Variants in PPP2R3A observed in about 807,000 individuals in gnomAD.
PPP2R3A encodes the protein protein phosphatase 2 regulatory subunit B''alpha.
Under a neutral mutation model 106.9 loss-of-function variants are expected in PPP2R3A, and 80 were observed. The observed-to-expected ratio is 0.75, with a 90% confidence interval of 0.62 to 0.90. The LOEUF (loss-of-function observed/expected upper bound fraction) is 0.90. Ranked by LOEUF, PPP2R3A falls within the 40% of genes least tolerant of loss-of-function variation. The probability of loss-of-function intolerance (pLI) is 0.00; values close to 1 mark genes in which losing one functional copy is unlikely to be tolerated. For missense variants in PPP2R3A, 1,386 were observed against 1,350.4 expected (o/e 1.03, Z -0.41); for synonymous variants, 483 against 468.3 (o/e 1.03, Z -0.41).
At chr3:136,005,719 C>T (rs1933818932) in intron 2 of PPP2R3A, among the ~76,000 whole-genome samples, 1 of 152,020 alleles carries the variant, frequency 6.6e-6, no homozygotes. Context: ...ACCTACATAG[C>T]AACTTCAAAA....
chr3:135,966,166 C>T (rs969427290), intron 1 of PPP2R3A, among the ~76,000 whole-genome samples: 25 of 152,264 alleles, frequency 1.6e-4, no homozygotes, highest in African/African-American at 3.6e-4. Context: ...GGCCTGGGCC[C>T]TCCCACTTTT....
At chr3:136,046,020 CA>C (rs1024825632) in intron 4 of PPP2R3A, among the ~76,000 whole-genome samples, 30 of 151,722 alleles carry the variant, frequency 2.0e-4, no homozygotes, top group Non-Finnish European at 3.8e-4. Context: ...TCTGTCTCTA[CA>C]AAAAAATTAG....
intron 5 of PPP2R3A, among the ~76,000 whole-genome samples, chr3:136,050,347 G>T (rs1935642075): frequency 6.6e-6 from 1 of 152,180 alleles, no homozygotes; most frequent in Non-Finnish European, 1.5e-5. Context: ...TTCTGGATTT[G>T]AATTTCTAAC....
intron 2 of PPP2R3A, among the ~76,000 whole-genome samples, chr3:136,009,030 A>G (rs1479042974): frequency 6.6e-6 from 1 of 151,560 alleles, no homozygotes; most frequent in Non-Finnish European, 1.5e-5. Context: ...TCCACTTCCA[A>G]CCCTCCCAAC....
chr3:136,074,203 A>C (rs991692727), intron 6 of PPP2R3A, among the ~76,000 whole-genome samples: 11 of 152,220 alleles, frequency 7.2e-5, no homozygotes, highest in African/African-American at 2.7e-4. Context: ...TGTGAGGTAC[A>C]TATATGATGA....
intron 13 of PPP2R3A, among the ~76,000 whole-genome samples, chr3:136,115,857 C>G (rs1249690078): frequency 6.6e-6 from 1 of 152,012 alleles, no homozygotes; most frequent in African/African-American, 2.4e-5. Flanking sequence ...CCAAACCTAG[C>G]AAGACAGGCC....
At chr3:136,012,248 C>G (rs1934110968) in intron 2 of PPP2R3A, among the ~76,000 whole-genome samples, 1 of 152,132 alleles carries the variant, frequency 6.6e-6, no homozygotes, top group Non-Finnish European at 1.5e-5. Flanking sequence ...ACTCTAGACA[C>G]TAGAAATTCT....
intron 8 of PPP2R3A, among the ~76,000 whole-genome samples, chr3:136,087,245 GTCTCTCTCTC>G (rs34566151): frequency 0.036 from 2,697 of 75,102 alleles, 51 homozygotes; most frequent in Admixed American, 0.066. Flanking sequence ...CTCTAGTCGT[GTCTCTCTCTC>G]TCTCTCTCTC....
At chr3:136,038,549 C>G (rs1935158795) in intron 3 of PPP2R3A, among the ~76,000 whole-genome samples, 1 of 152,166 alleles carries the variant, frequency 6.6e-6, no homozygotes, top group African/African-American at 2.4e-5. Flanking sequence ...CTGATCCCTT[C>G]CAGTTCTGAA....
chr3:136,090,562 C>A lies in PPP2R3A; in HGVS notation c.2838-16C>A. ...GTAATTGCTCAGGAAATTTTATAAC[C>A]ATGTGTTTTCTTTAGGGGAAAAACA... On this transcript the variant is annotated splice_polypyrimidine_tract_variant and intron_variant, in intron 9 of 13. Transcript: ENST00000264977. 1 of 1,598,136 alleles carries A rather than the reference C, an allele frequency of 6.3e-7. No homozygotes were observed. Among genetic ancestry groups the A allele is most frequent in the South Asian group, 1.1e-5 (1 of 90,612 alleles).
At chr3:136,141,356 G>C (rs1938865117) in intron 13 of PPP2R3A, among the ~76,000 whole-genome samples, 1 of 152,166 alleles carries the variant, frequency 6.6e-6, no homozygotes, top group African/African-American at 2.4e-5. Context: ...TTAAAGCCTA[G>C]TATGGCCAGA....
chr3:136,002,391 A>T lies in PPP2R3A; in HGVS notation c.893A>T (p.Gln298Leu). 1 of 1,614,048 alleles carries T rather than the reference A, an allele frequency of 6.2e-7. No individual in the cohort carries two copies. Among genetic ancestry groups the T allele is most frequent in the Non-Finnish European group, 8.5e-7 (1 of 1,179,964 alleles). ...AAAAAGTTACCATTTGAATTCATGC[A>T]GTCTGGGAATAATGAGGCTCTAGAT... The part of the protein sequence containing the change: ...YLKKLPFEFM[Q>L]SGNNEALDLT... Residue 298 changes from glutamine to leucine, a missense_variant, in exon 2 of 14, where the codon CAG (glutamine) becomes CTG (leucine). Coordinates refer to ENST00000264977, the MANE Select transcript of PPP2R3A (RefSeq NM_002718.5).
intron 8 of PPP2R3A, among the ~76,000 whole-genome samples, chr3:136,085,545 G>A (rs1375441810): frequency 6.6e-6 from 1 of 151,968 alleles, no homozygotes; most frequent in African/African-American, 2.4e-5. Context: ...CTGCCAAAGT[G>A]CTAGGATTAC....
intron 10 of PPP2R3A, among the ~76,000 whole-genome samples, chr3:136,098,980 A>G (rs1046683866): frequency 2.0e-5 from 3 of 152,208 alleles, no homozygotes; most frequent in Admixed American, 2.0e-4. Context: ...AGCATTGGGC[A>G]CAGTTGAGAT....
chr3:136,112,835 T>C (rs1269412435), intron 13 of PPP2R3A, among the ~76,000 whole-genome samples: 1 of 152,050 alleles, frequency 6.6e-6, no homozygotes, highest in Non-Finnish European at 1.5e-5. Flanking sequence ...AAAAAACTAT[T>C]ACAAAATTCA....
intron 2 of PPP2R3A, among the ~76,000 whole-genome samples, chr3:136,019,539 T>A (rs1934391028): frequency 6.6e-6 from 1 of 152,196 alleles, no homozygotes; most frequent in South Asian, 2.1e-4. Flanking sequence ...CCCCTATGTT[T>A]GATCTTTTCC....
intron 2 of PPP2R3A, among the ~76,000 whole-genome samples, chr3:136,011,120 C>T (rs1419634902): frequency 6.6e-6 from 1 of 152,178 alleles, no homozygotes; most frequent in Non-Finnish European, 1.5e-5. Context: ...CACTCCATCA[C>T]CACATCCGTC....
intron 1 of PPP2R3A, among the ~76,000 whole-genome samples, chr3:135,990,173 G>A (rs746275470): frequency 2.0e-5 from 3 of 152,098 alleles, no homozygotes; most frequent in Non-Finnish European, 2.9e-5. Flanking sequence ...ACTGCCATCC[G>A]TACCATTCTT....
At chr3:135,986,990 TC>T (rs1932949253) in intron 1 of PPP2R3A, among the ~76,000 whole-genome samples, 1 of 152,130 alleles carries the variant, frequency 6.6e-6, no homozygotes, top group Admixed American at 6.6e-5. Flanking sequence ...TCAGACTTCT[TC>T]CCCCATAATT....
Sources: allele counts gnomAD v4.1 joint callset (sites outside exome capture counted in the v4.1 genomes callset), GRCh38; gene constraint gnomAD v4.1.1; transcripts MANE v1.5; gene names NCBI Gene and HGNC (gene_info 2026-07-23, HGNC 2026-07-21).